Variants in HNRNPF observed in about 807,000 individuals in gnomAD.
HNRNPF encodes the protein HnRNP F protein.
Under a neutral mutation model 26.0 loss-of-function variants are expected in HNRNPF, and 2 were observed. The ratio of observed to expected loss-of-function variants is 0.08; its 90% confidence interval spans 0.03 to 0.24. The LOEUF (loss-of-function observed/expected upper bound fraction) is 0.24. Ranked by LOEUF, HNRNPF falls within the 10% of genes least tolerant of loss-of-function variation. The pLI is 1.00. For missense variants in HNRNPF, 299 were observed against 539.2 expected (o/e 0.55, Z 4.41); for synonymous variants, 234 against 211.5 (o/e 1.11, Z -0.92).
At chr10:43,391,277 T>C (rs980840741) in intron 3 of HNRNPF, among the ~76,000 whole-genome samples, 6 of 135,402 alleles carry the variant, frequency 4.4e-5, no homozygotes, top group African/African-American at 1.8e-4. Flanking sequence ...TGGGCGACAG[T>C]GCAAGACTCT....
At position 43,386,765 on chromosome 10, in the gene HNRNPF, T is replaced by C; in HGVS notation, c.1120A>G (p.Ser374Gly). Residue 374 changes from serine to glycine, a missense_variant, in exon 4 of 4, where the codon AGC becomes GGC. Coordinates refer to ENST00000682386, the MANE Select transcript of HNRNPF (RefSeq NM_001098204.2). ...TTGASNGAYS[S>G]QVMQGMGVSA... is the part of the protein sequence containing the mutation. ...ACCCCCATGCCTTGCATCACCTGGC[T>C]GCTATACGCCCCATTGCTGGCCCCT... 6.2e-7 allele frequency: 1 copy of C among 1,614,214 alleles called. No homozygotes were observed. The highest frequency in any genetic ancestry group is 2.2e-5 in the East Asian group (1 of 44,876).
chr10:43,389,865 G>T (rs754159885), intron 3 of HNRNPF, among the ~76,000 whole-genome samples: 4 of 152,198 alleles, frequency 2.6e-5, no homozygotes, highest in Non-Finnish European at 5.9e-5. Flanking sequence ...GCCTAACCTG[G>T]ATTGCTCATT....
At chr10:43,406,731 C>A (rs143963695) in intron 1 of HNRNPF, among the ~76,000 whole-genome samples, 20 of 152,180 alleles carry the variant, frequency 1.3e-4, no homozygotes, top group African/African-American at 3.6e-4. Flanking sequence ...CGGGGTAGGT[C>A]TCTGGGGCCC....
intron 3 of HNRNPF, 139 bp from the exon 4 acceptor site, chr10:43,388,075 A>T (rs1012473014): frequency 7.1e-6 from 4 of 561,162 alleles, no homozygotes; most frequent in Non-Finnish European, 1.3e-5. Flanking sequence ...TCTCTCAAAA[A>T]ATTACATTAT....
At chr10:43,391,774 T>C (rs1838259105) in intron 3 of HNRNPF, among the ~76,000 whole-genome samples, 1 of 152,190 alleles carries the variant, frequency 6.6e-6, no homozygotes, top group Non-Finnish European at 1.5e-5. Flanking sequence ...TTCTTCTTTT[T>C]TTCCTTTTCC....
At chr10:43,389,890 A>C (rs1193972188) in intron 3 of HNRNPF, among the ~76,000 whole-genome samples, 3 of 152,194 alleles carry the variant, frequency 2.0e-5, no homozygotes, top group African/African-American at 7.2e-5. Context: ...ACCTCAAATT[A>C]TTGACTATGT....
chr10:43,400,693 CA>C (rs1444733003), intron 1 of HNRNPF, among the ~76,000 whole-genome samples: 2 of 152,180 alleles, frequency 1.3e-5, no homozygotes, highest in African/African-American at 4.8e-5. Flanking sequence ...CACCAACGCA[CA>C]CATTTGTACT....
chr10:43,388,969 T>A (rs1308768562), intron 3 of HNRNPF, among the ~76,000 whole-genome samples: 1 of 67,806 alleles, frequency 1.5e-5, no homozygotes, highest in African/African-American at 1.4e-4. Context: ...ATATGGAATT[T>A]TTTTTTTTTT....
rs1285692735 is a variant in HNRNPF, at chr10:43,387,102, C to T, written c.783G>A (p.Gly261=). Reference sequence around the variant, plus strand: ...CGGAGAGACAGTAGCTGAGGTCTCTCCCGAACAGGTCGGTGGTGAAGCCGT... The same window carrying T: ...CGGAGAGACAGTAGCTGAGGTCTCTTCCGAACAGGTCGGTGGTGAAGCCGT... The part of the protein sequence containing the change: ...DGYGFTTDLF[G]RDLSYCLSGM... Residue 261 remains glycine, a synonymous_variant, in exon 4 of 4, where the codon GGG becomes GGA. Coordinates refer to ENST00000682386, the MANE Select transcript of HNRNPF (RefSeq NM_001098204.2). The surrounding 1 kb of genome is among the most constrained non-coding windows in gnomAD (Gnocchi z 6.0). 10 of 1,613,492 alleles carry T rather than the reference C, an allele frequency of 6.2e-6. No homozygotes were observed. In the East Asian group the frequency reaches 6.7e-5, roughly 11 times the overall value.
intron 1 of HNRNPF, among the ~76,000 whole-genome samples, chr10:43,405,518 T>C (rs1838887242): frequency 6.6e-6 from 1 of 152,026 alleles, no homozygotes; most frequent in African/African-American, 2.4e-5. Flanking sequence ...TAGCCGGGCA[T>C]GGTGGCGGCC....
chr10:43,394,245 T>C (rs1838369933), intron 3 of HNRNPF, among the ~76,000 whole-genome samples: 1 of 152,182 alleles, frequency 6.6e-6, no homozygotes, highest in Non-Finnish European at 1.5e-5. Context: ...ACAAGCAGCA[T>C]AAAAAATAAA....
intron 1 of HNRNPF, among the ~76,000 whole-genome samples, chr10:43,397,571 T>C (rs1445275091): frequency 6.6e-6 from 1 of 152,146 alleles, no homozygotes; most frequent in Admixed American, 6.5e-5. Flanking sequence ...GGAGGCCGCC[T>C]CTAAAATGGA....
chr10:43,387,940 G>GAAA lies in HNRNPF; in HGVS notation c.-52-7_-52-5dup. ...CTTGGGTGTGGCTTTTTTGTGGCTG[G>GAAA]AAAAAAAAAAAAGAAAAATTTATTT... On this transcript the variant is annotated splice_polypyrimidine_tract_variant and splice_region_variant and intron_variant, in intron 3 of 3. Transcript: ENST00000682386. The surrounding 1 kb of genome is among the most constrained non-coding windows in gnomAD (Gnocchi z 6.0). 7 of 1,135,840 alleles carry GAAA rather than the reference G, an allele frequency of 6.2e-6. No individual in the cohort carries two copies. The highest frequency in any genetic ancestry group is 8.4e-6 in the Non-Finnish European group (7 of 831,924). 70.4% of individuals were successfully genotyped at this position (1,135,840 alleles called of 1,614,324 possible).
At chr10:43,393,176 C>T (rs1367679377) in intron 3 of HNRNPF, among the ~76,000 whole-genome samples, 1 of 152,186 alleles carries the variant, frequency 6.6e-6, no homozygotes, top group South Asian at 2.1e-4. Flanking sequence ...CTCAGTAATT[C>T]TTTTCTTTGT....
chr10:43,386,079 T>C lies in HNRNPF; in HGVS notation c.*558A>G, dbSNP rs1838013029. The C allele has an allele frequency of 6.6e-6, 1 of 152,630 alleles. No homozygotes were observed. Among genetic ancestry groups the C allele is most frequent in the Admixed American group, 6.5e-5 (1 of 15,276 alleles). The allele number at this position is 152,630 out of a possible 1,614,324, so 9.5% of individuals were successfully genotyped here. A position where few individuals can be genotyped will look rare whatever the true frequency, so the allele number is the denominator to read the frequency against. ...TTAGTTAACAAAAAATTTAACAAGTTTCACTTAGCAAAATACACCCAAAAG... is the reference window on the plus strand; with the variant it reads ...TTAGTTAACAAAAAATTTAACAAGTCTCACTTAGCAAAATACACCCAAAAG... On this transcript the variant is annotated 3_prime_UTR_variant, in exon 4 of 4. Transcript: ENST00000682386.
rs775938344 is a variant in HNRNPF at position 43,395,431 on chromosome 10, A to AG, written c.-111-744dup. ...CCCCAAAGGACTAGGACACGGGCTG[A>AG]GGGCTATGGAATTCTGAGAACTAAG... is the stretch of plus-strand genomic sequence containing the variant. On this transcript the variant is annotated intron_variant, in intron 2 of 3. Transcript: ENST00000682386. Among the ~76,000 whole-genome samples, 4 of 152,332 alleles carry AG rather than the reference A, an allele frequency of 2.6e-5. No individual in the cohort carries two copies. In the South Asian group the frequency reaches 6.2e-4, roughly 24 times the overall value.
At chr10:43,407,484 G>A (rs931410123) in intron 1 of HNRNPF, among the ~76,000 whole-genome samples, 1 of 152,082 alleles carries the variant, frequency 6.6e-6, no homozygotes, top group African/African-American at 2.4e-5. Flanking sequence ...GGGCGGCCTT[G>A]GGGGGAGGGC....
chr10:43,386,640 G>A lies in HNRNPF; in HGVS notation c.1245C>T (p.Asp415=), dbSNP rs148694011. The change falls in exon 4 of 4, where the codon GAC becomes GAT. Residue 415 remains aspartate, a synonymous_variant. Transcript: ENST00000682386. ...YSGQNSMGGY[D] ...AACTCAAATGTTCCTAACAAAACTA[G>A]TCATAGCCACCCATGCTGTTCTGCC... is the stretch of plus-strand genomic sequence containing the variant. 831 of 1,544,634 alleles carry A rather than the reference G, an allele frequency of 5.4e-4. 12 individuals are homozygous for A. The African/African-American group carries it at 9.6e-3, about 18-fold the overall frequency.
chr10:43,395,068 G>A (rs561805444), intron 2 of HNRNPF, among the ~76,000 whole-genome samples: 5 of 152,146 alleles, frequency 3.3e-5, no homozygotes, highest in African/African-American at 9.6e-5. Flanking sequence ...TGATCCGCCC[G>A]CCTCTGCCCA....
Sources: allele counts gnomAD v4.1 joint callset (sites outside exome capture counted in the v4.1 genomes callset), GRCh38; gene constraint gnomAD v4.1.1; non-coding constraint Gnocchi (gnomAD v3.1); transcripts MANE v1.5; gene names NCBI Gene and HGNC (gene_info 2026-07-23, HGNC 2026-07-21).